Variants in MGMT observed in about 807,000 individuals in gnomAD.
The protein encoded by MGMT is O-6-methylguanine-DNA methyltransferase.
MGMT carries 14 observed loss-of-function variants against 15.9 expected under a neutral mutation model. That is an observed-to-expected ratio of 0.88 (90% CI 0.58 to 1.37). The LOEUF (loss-of-function observed/expected upper bound fraction) is 1.37. Among genes scored for constraint, MGMT ranks in the 40% most tolerant of loss-of-function variants. MGMT has a pLI of 0.00. For synonymous variants in MGMT, 130 were observed against 118.2 expected (o/e 1.10, Z -0.65); for missense variants, 282 against 268.1 (o/e 1.05, Z -0.36).
intron 1 of MGMT, among the ~76,000 whole-genome samples, chr10:129,492,300 A>G (rs1224046816): frequency 6.6e-6 from 1 of 152,010 alleles, no homozygotes; most frequent in African/African-American, 2.4e-5. Flanking sequence ...CTCCCCTTAG[A>G]AGGTTTTGAG....
chr10:129,681,678 C>T (rs1847854251), intron 2 of MGMT, among the ~76,000 whole-genome samples: 2 of 152,010 alleles, frequency 1.3e-5, no homozygotes, highest in Non-Finnish European at 2.9e-5. Flanking sequence ...ATAGTGTTCA[C>T]AGGATATGAA....
intron 1 of MGMT, among the ~76,000 whole-genome samples, chr10:129,523,981 G>A (rs1446667658): frequency 2.0e-5 from 3 of 152,220 alleles, no homozygotes; most frequent in African/African-American, 7.2e-5. Context: ...TGCCTTGGAG[G>A]TAGCAGAAGC....
chr10:129,729,596 A>T (rs1050251517), intron 3 of MGMT, among the ~76,000 whole-genome samples: 2 of 152,220 alleles, frequency 1.3e-5, no homozygotes, highest in Non-Finnish European at 2.9e-5. Flanking sequence ...TGATACTGAG[A>T]TTAATCCCCA....
chr10:129,738,522 G>A (rs141767617), intron 3 of MGMT, among the ~76,000 whole-genome samples: 2,580 of 152,310 alleles, frequency 0.017, 73 homozygotes, highest in African/African-American at 0.058. Context: ...CTTCTGCGTC[G>A]CTCACACTGG....
Position 129,770,375 on chromosome 10 carries a change from G to A in MGMT, c.*3378G>A, listed in dbSNP as rs1017142185. On this transcript the variant is annotated 3_prime_UTR_variant, in exon 5 of 5. Coordinates refer to ENST00000651593, the MANE Select transcript of MGMT (RefSeq NM_002412.5). Reference sequence around the variant, plus strand: ...GGAGTAGCTGGTCAGTGAGATTCTCGCAGCAATGTGAGGCATCCTCCTCAC... The same window carrying A: ...GGAGTAGCTGGTCAGTGAGATTCTCACAGCAATGTGAGGCATCCTCCTCAC... Among the ~76,000 whole-genome samples the A allele has an allele frequency of 1.3e-5, 2 of 152,194 alleles. No individual in the cohort carries two copies. The highest frequency in any genetic ancestry group is 6.5e-5 in the Admixed American group (1 of 15,286).
chr10:129,643,633 A>G (rs1847353394), intron 2 of MGMT, among the ~76,000 whole-genome samples: 1 of 152,210 alleles, frequency 6.6e-6, no homozygotes, highest in Non-Finnish European at 1.5e-5. Flanking sequence ...GCCAGTGAAA[A>G]GGGCACCAGT....
At chr10:129,732,126 T>C (rs139314435) in intron 3 of MGMT, among the ~76,000 whole-genome samples, 56 of 151,036 alleles carry the variant, frequency 3.7e-4, no homozygotes, top group African/African-American at 1.3e-3. Context: ...TTACTCACAT[T>C]GCCTGATATG....
intron 1 of MGMT, among the ~76,000 whole-genome samples, chr10:129,530,853 C>T (rs572629544): frequency 5.9e-5 from 9 of 152,344 alleles, no homozygotes; most frequent in Admixed American, 2.0e-4. Context: ...GCTCCTCGCC[C>T]GGGGGCCCCT....
chr10:129,624,765 C>T (rs1273459020), intron 2 of MGMT, among the ~76,000 whole-genome samples: 2 of 152,184 alleles, frequency 1.3e-5, no homozygotes, highest in Non-Finnish European at 2.9e-5. Flanking sequence ...CAGAGATGGT[C>T]TCACTGTGGG....
At chr10:129,755,796 C>T (rs948955665) in intron 3 of MGMT, among the ~76,000 whole-genome samples, 2 of 152,216 alleles carry the variant, frequency 1.3e-5, no homozygotes, top group African/African-American at 4.8e-5. Context: ...GCTGAGGTGG[C>T]TCGTAGCAGA....
At chr10:129,725,314 G>C (rs768269426) in intron 3 of MGMT, among the ~76,000 whole-genome samples, 6 of 152,172 alleles carry the variant, frequency 3.9e-5, no homozygotes, top group Admixed American at 6.5e-5. Flanking sequence ...CCAGCCCCTC[G>C]CTGCCATCCC....
chr10:129,678,435 A>G (rs1847810332), intron 2 of MGMT, among the ~76,000 whole-genome samples: 1 of 151,658 alleles, frequency 6.6e-6, no homozygotes, highest in Admixed American at 6.6e-5. Context: ...GGGCTGGGTG[A>G]CTCCCTGCCG....
At chr10:129,672,670 A>G (rs1847738015) in intron 2 of MGMT, among the ~76,000 whole-genome samples, 2 of 151,954 alleles carry the variant, frequency 1.3e-5, no homozygotes, top group African/African-American at 4.8e-5. Context: ...CAATTCTAGT[A>G]TTTTCATTTT....
intron 2 of MGMT, among the ~76,000 whole-genome samples, chr10:129,624,094 G>A (rs1005364351): frequency 3.9e-5 from 6 of 152,396 alleles, no homozygotes; most frequent in Non-Finnish European, 5.9e-5. Flanking sequence ...CACGCTCAGC[G>A]CCTGCGCGAA....
intron 1 of MGMT, among the ~76,000 whole-genome samples, chr10:129,485,547 C>T (rs576377486): frequency 2.2e-4 from 33 of 152,350 alleles, no homozygotes; most frequent in African/African-American, 7.7e-4. Context: ...AATTTTTGAA[C>T]ATTGACATGC....
intron 2 of MGMT, among the ~76,000 whole-genome samples, chr10:129,637,795 G>T (rs552715824): frequency 4.7e-4 from 72 of 152,296 alleles, no homozygotes; most frequent in Admixed American, 1.1e-3. Flanking sequence ...ATGTGAAGTG[G>T]CAGCAAGGGG....
rs369892899 is a variant in MGMT, at chr10:129,747,406, T to C, written c.275-11796T>C. 3.6e-4 allele frequency among the ~76,000 whole-genome samples: 55 copies of C among 152,324 alleles called. No homozygotes were observed. In the East Asian group the frequency reaches 9.4e-3, roughly 26 times the overall value. ...GAGAGCTTTTATCATGAATAGGTGT[T>C]AAATTGTATTAAATATTTTTTCTGA... On this transcript the variant is annotated intron_variant, in intron 3 of 4. Transcript: ENST00000651593.
intron 1 of MGMT, among the ~76,000 whole-genome samples, chr10:129,473,325 T>G (rs1845253324): frequency 6.6e-6 from 1 of 152,226 alleles, no homozygotes; most frequent in African/African-American, 2.4e-5. Flanking sequence ...TTGGGGTGTC[T>G]CCTTAATCTC....
At chr10:129,642,196 C>G (rs1441857528) in intron 2 of MGMT, among the ~76,000 whole-genome samples, 2 of 151,102 alleles carry the variant, frequency 1.3e-5, no homozygotes, top group East Asian at 3.9e-4. Context: ...AGGTTCCTCA[C>G]ACAACCCCGC....
Sources: gnomAD v4.1 joint callset for allele counts (sites outside exome capture counted in the v4.1 genomes callset) on GRCh38, gnomAD v4.1.1 for gene constraint, MANE v1.5 for transcripts, NCBI Gene and HGNC (gene_info 2026-07-23, HGNC 2026-07-21) for gene names.